The following MYO18B variants were observed in gnomAD, a reference collection of about 807,000 sequenced individuals.
MYO18B encodes myosin XVIIIB, also known as unconventional myosin-XVIIIb.
MYO18B carries 204 observed loss-of-function variants against 273.0 expected under a neutral mutation model. The ratio of observed to expected loss-of-function variants is 0.75; its 90% confidence interval spans 0.67 to 0.84. MYO18B has a LOEUF of 0.84. MYO18B is among the 40% of genes least tolerant of loss of function. MYO18B has a pLI of 0.00. For missense variants in MYO18B, 3,212 were observed against 3,287.6 expected (o/e 0.98, Z 0.56); for synonymous variants, 1,330 against 1,305.7 (o/e 1.02, Z -0.40).
chr22:25,934,884 T>C (rs2092556789), intron 34 of MYO18B, among the ~76,000 whole-genome samples: 1 of 152,016 alleles, frequency 6.6e-6, no homozygotes, highest in South Asian at 2.1e-4. Context: ...GCTCAAGATA[T>C]TTTCCTTTCA....
chr22:25,948,194 C>T (rs2092737505), intron 36 of MYO18B, among the ~76,000 whole-genome samples: 4 of 152,200 alleles, frequency 2.6e-5, no homozygotes, highest in East Asian at 1.9e-4. Flanking sequence ...TCCATCCATC[C>T]GTCCATCCAA....
chr22:25,862,700 T>G (rs908518756), intron 21 of MYO18B, among the ~76,000 whole-genome samples: 1 of 152,184 alleles, frequency 6.6e-6, no homozygotes, highest in Non-Finnish European at 1.5e-5. Flanking sequence ...CCACTAATTG[T>G]TTTGATGCTT....
Position 25,780,124 on chromosome 22 carries a change from A to T in MYO18B, c.2137A>T (p.Ser713Cys), listed in dbSNP as rs746784221. ...CTCTGTGTCCATGGCCCACAGCCGC[A>T]GTGCCACCCGGTTCTCCATGGTGAT... ...FGSVSMAHSR[S>C]ATRFSMVMSL... Residue 713 changes from serine to cysteine, a missense_variant, in exon 9 of 44, where the codon AGT becomes TGT. By Grantham distance (112) the Ser-to-Cys change is moderately radical. Coordinates refer to ENST00000335473, the MANE Select transcript of MYO18B (RefSeq NM_032608.7). 6 of 1,604,588 alleles carry T rather than the reference A, an allele frequency of 3.7e-6. No individual in the cohort carries two copies. The African/African-American group carries it at 8.0e-5, about 21-fold the overall frequency.
At position 25,777,741 on chromosome 22, in the gene MYO18B, C is replaced by T. The variant is rs1168604693; in HGVS notation, c.2028C>T (p.His676=). 8 of 1,607,608 alleles carry T rather than the reference C, an allele frequency of 5.0e-6. No individual in the cohort carries two copies. The East Asian group carries it at 1.1e-4, about 23-fold the overall frequency. Reference sequence around the variant, plus strand: ...CCTGCTGTGAGCAGGTCCTGGAACACCTGGTGGGGATGGCAGGCAGTGTGG... The same window carrying T: ...CCTGCTGTGAGCAGGTCCTGGAACATCTGGTGGGGATGGCAGGCAGTGTGG... The part of the protein sequence containing the change: ...KTTCCEQVLE[H]LVGMAGSVDG... Residue 676 remains histidine, a synonymous_variant, in exon 8 of 44, where the codon CAC becomes CAT. Transcript: ENST00000335473.
rs376951256 is a variant in MYO18B at position 25,785,502 on chromosome 22, G to C, written c.2376+11G>C. ...GGCGTGTGGTCCAAGGTAAGGAGGA[G>C]GTCCCTCACGGGTGGGATGTGAGTC... On this transcript the variant is annotated intron_variant, in intron 11 of 43. Transcript: ENST00000335473. 117 of 1,610,730 alleles carry C rather than the reference G, an allele frequency of 7.3e-5. No homozygotes were observed. Among genetic ancestry groups the C allele is most frequent in the Middle Eastern group, 6.6e-4 (4 of 6,082 alleles).
In MYO18B at chr22:25,882,514, A is replaced by T. The variant is rs138924346; in HGVS notation, c.4314+4466A>T. Among the ~76,000 whole-genome samples, 353 of 152,328 alleles carry T rather than the reference A, an allele frequency of 2.3e-3. 1 individual carries two copies. The highest frequency in any genetic ancestry group is 0.013 in the South Asian group (62 of 4,828). On this transcript the variant is annotated intron_variant, in intron 25 of 43. Transcript: ENST00000335473. ...ATATTCACACAGCAATTGAGAAGGGATGGGTAGGAGCACTTTTGGAGCATC... is the reference window on the plus strand; with the variant it reads ...ATATTCACACAGCAATTGAGAAGGGTTGGGTAGGAGCACTTTTGGAGCATC...
intron 12 of MYO18B, among the ~76,000 whole-genome samples, chr22:25,800,645 T>G (rs2088152389): frequency 6.6e-6 from 1 of 152,208 alleles, no homozygotes; most frequent in Non-Finnish European, 1.5e-5. Context: ...GGAATATGCC[T>G]CCTGGTTGTC....
chr22:25,977,707 G>GAGA lies in MYO18B; in HGVS notation c.6157-14656_6157-14655insAGA, dbSNP rs2093106846. 3.9e-5 allele frequency among the ~76,000 whole-genome samples: 6 copies of GAGA among 152,186 alleles called. 1 individual carries two copies. Among genetic ancestry groups the GAGA allele is most frequent in the Non-Finnish European group, 7.3e-5 (5 of 68,046 alleles). On this transcript the variant is annotated intron_variant, in intron 39 of 43. Coordinates refer to ENST00000335473, the MANE Select transcript of MYO18B (RefSeq NM_032608.7). ...AGGAGACCCCCCAGGTTGGCATATT[G>GAGA]CACAAGCTGTCACTCAATAGTTCTA...
chr22:25,875,874 A>G (rs2091177164), intron 23 of MYO18B, among the ~76,000 whole-genome samples: 1 of 152,072 alleles, frequency 6.6e-6, no homozygotes, highest in Non-Finnish European at 1.5e-5. Flanking sequence ...TCCTCATGTA[A>G]GATGTAACCT....
chr22:25,987,953 C>T (rs1232860643), intron 39 of MYO18B, among the ~76,000 whole-genome samples: 1 of 152,138 alleles, frequency 6.6e-6, no homozygotes, highest in East Asian at 1.9e-4. Flanking sequence ...CCCCCACCTC[C>T]CAATTTCTCT....
chr22:25,947,036 G>A (rs1289585105), intron 35 of MYO18B, among the ~76,000 whole-genome samples: 2 of 152,104 alleles, frequency 1.3e-5, no homozygotes, highest in Non-Finnish European at 2.9e-5. Flanking sequence ...TATAGTTCGA[G>A]TTTTATAGGC....
intron 11 of MYO18B, among the ~76,000 whole-genome samples, chr22:25,786,073 T>TTATTATTCAATTATTTTAACCATTG (rs1484582767): frequency 1.3e-5 from 2 of 152,214 alleles, no homozygotes; most frequent in Non-Finnish European, 2.9e-5. Flanking sequence ...GTTTGATATT[T>TTATTATTCAATTATTTTAACCATTG]TATTATTCAA....
rs1297923402 is a variant in MYO18B, at chr22:25,780,191, A to G, written c.2204A>G (p.Gln735Arg). Residue 735 changes from glutamine (Q) to arginine (R), a missense_variant, in exon 9 of 44, where the codon CAG (glutamine) becomes CGG (arginine). By Grantham distance (43) the Gln-to-Arg change is conservative. Transcript: ENST00000335473. ...GCTACAGGCCGCATCACAGCTGCTC[A>G]GCTCCAGGTGAGGCCTCTCGGGGGA... ...FNATGRITAA[Q>R]LQTMLLEKSR... The G allele has an allele frequency of 6.2e-7, 1 of 1,603,886 alleles. No individual in the cohort carries two copies. Among genetic ancestry groups the G allele is most frequent in the Non-Finnish European group, 8.5e-7 (1 of 1,176,622 alleles).
intron 13 of MYO18B, 35 bp downstream of exon 13, chr22:25,823,713 C>A (rs1331160347): frequency 1.2e-6 from 2 of 1,611,154 alleles, no homozygotes; most frequent in East Asian, 4.5e-5. Context: ...TGAGCTGGGC[C>A]CCCCTCTGGG....
intron 11 of MYO18B, among the ~76,000 whole-genome samples, chr22:25,795,454 C>T (rs954721585): frequency 1.3e-5 from 2 of 152,128 alleles, no homozygotes; most frequent in Non-Finnish European, 2.9e-5. Flanking sequence ...TTTTCTCATT[C>T]TTCTCTTCAC....
intron 42 of MYO18B, among the ~76,000 whole-genome samples, chr22:26,024,258 A>G (rs1402242370): frequency 6.6e-6 from 1 of 152,216 alleles, no homozygotes; most frequent in Non-Finnish European, 1.5e-5. Context: ...ACCACTAACC[A>G]TTATTTGGGT....
intron 2 of MYO18B, among the ~76,000 whole-genome samples, chr22:25,762,757 C>T (rs1004286347): frequency 2.0e-5 from 3 of 152,382 alleles, no homozygotes; most frequent in African/African-American, 7.2e-5. Flanking sequence ...CCTATCTTAC[C>T]ATGTTCCTGG....
chr22:25,954,744 C>G (rs1011441261), intron 38 of MYO18B, among the ~76,000 whole-genome samples: 7 of 152,156 alleles, frequency 4.6e-5, no homozygotes, highest in African/African-American at 1.7e-4. Flanking sequence ...CAGGGTCTCT[C>G]TCTGTCACCC....
At chr22:25,999,505 G>A (rs1933685508) in intron 40 of MYO18B, among the ~76,000 whole-genome samples, 1 of 147,756 alleles carries the variant, frequency 6.8e-6, no homozygotes, top group Admixed American at 6.7e-5. Context: ...ACAAGTTCAA[G>A]TTCTTCTTCT....
Sources: allele counts gnomAD v4.1 joint callset (sites outside exome capture counted in the v4.1 genomes callset), GRCh38; gene constraint gnomAD v4.1.1; transcripts MANE v1.5; gene names NCBI Gene and HGNC (gene_info 2026-07-23, HGNC 2026-07-21).